The following PPP6R3 variants were observed in gnomAD, a reference collection of about 807,000 sequenced individuals.
PPP6R3 encodes serine/threonine-protein phosphatase 6 regulatory subunit 3.
PPP6R3 carries 38 observed loss-of-function variants against 110.7 expected under a neutral mutation model. The observed-to-expected ratio is 0.34, with a 90% CI of 0.26 to 0.45. The LOEUF (loss-of-function observed/expected upper bound fraction) is 0.45, where lower values mean the gene tolerates loss of function less well. Ranked by LOEUF, PPP6R3 falls within the 20% of genes least tolerant of loss-of-function variation. The pLI is 1.00. For synonymous variants in PPP6R3, 369 were observed against 373.5 expected, an observed-to-expected ratio of 0.99 and a Z score of 0.14; for missense variants, 870 against 1,062.4, an observed-to-expected ratio of 0.82 and a Z score of 2.52.
intron 1 of PPP6R3, among the ~76,000 whole-genome samples, chr11:68,518,549 T>A (rs1229678160): frequency 6.6e-6 from 1 of 152,228 alleles, no homozygotes; most frequent in Non-Finnish European, 1.5e-5. Context: ...CACAGCCACA[T>A]GGTCTGTTCT....
At chr11:68,574,719 GT>G (rs926390213) in intron 13 of PPP6R3, among the ~76,000 whole-genome samples, 1 of 152,170 alleles carries the variant, frequency 6.6e-6, no homozygotes, top group African/African-American at 2.4e-5. Flanking sequence ...GACTCTTTCT[GT>G]ATAGCATTTC....
chr11:68,542,400 T>TTTTTTTTTTTTTTC lies in PPP6R3; in HGVS notation c.228-2427_228-2426insTTCTTTTTTTTTTT, dbSNP rs1173863254. On this transcript the variant is annotated intron_variant, in intron 3 of 23. Coordinates refer to ENST00000393800, the MANE Select transcript of PPP6R3 (RefSeq NM_001164161.2). ...CTTGAGAAGCTGCTGTTTTTTTTTTTTTTTTTTTTTTAAGACAGAGTCTTG... is the reference window on the plus strand; with the variant it reads ...CTTGAGAAGCTGCTGTTTTTTTTTTTTTTTTTTTTTTTTCTTTTTTTTTTTAAGACAGAGTCTTG... 1.6e-3 allele frequency among the ~76,000 whole-genome samples: 100 copies of TTTTTTTTTTTTTTC among 63,340 alleles called. 6 individuals are homozygous for TTTTTTTTTTTTTTC. Among genetic ancestry groups the TTTTTTTTTTTTTTC allele is most frequent in the African/African-American group, 6.1e-3 (97 of 16,020 alleles). 41.6% of individuals were successfully genotyped at this position (63,340 alleles called of 152,430 possible). A position where few individuals can be genotyped will look rare whatever the true frequency, so the allele number is the denominator to read the frequency against.
At chr11:68,462,496 T>C (rs1455660434) in intron 1 of PPP6R3, among the ~76,000 whole-genome samples, 1 of 152,072 alleles carries the variant, frequency 6.6e-6, no homozygotes, top group Non-Finnish European at 1.5e-5. Context: ...TGGATACTAG[T>C]TTCTGGGTGA....
Position 68,567,070 on chromosome 11 carries a change from G to A in PPP6R3, c.1032G>A (p.Arg344=). The A allele has an allele frequency of 6.4e-7, 1 of 1,551,574 alleles. No individual in the cohort carries two copies. The highest frequency in any genetic ancestry group is 1.2e-5 in the South Asian group (1 of 84,004). Residue 344 remains arginine (R), a synonymous_variant, in exon 10 of 24, where the codon CGG becomes CGA. Coordinates refer to ENST00000393800, the MANE Select transcript of PPP6R3 (RefSeq NM_001164161.2). ...TGGATCCTCCTGTGGGGAATACCCGGTTGAATGTCATTAGGTTGATATCCA... is the reference window on the plus strand; with the variant it reads ...TGGATCCTCCTGTGGGGAATACCCGATTGAATGTCATTAGGTTGATATCCA... ...GVLDPPVGNT[R]LNVIRLISSL...
rs942571441 is a variant in PPP6R3 at position 68,613,732 on chromosome 11, A to G, written c.*615A>G. ...ATTGTTTAAAACGGATCAAAAATGT[A>G]AGTCTATTGGTAGAGATTAAGTAAA... On this transcript the variant is annotated 3_prime_UTR_variant, in exon 24 of 24. Transcript: ENST00000393800. 2 of 972,968 alleles carry G rather than the reference A, an allele frequency of 2.1e-6. No individual in the cohort carries two copies. Among genetic ancestry groups the G allele is most frequent in the African/African-American group, 3.9e-5 (2 of 51,752 alleles). 60.3% of individuals were successfully genotyped at this position (972,968 alleles called of 1,614,324 possible). A position where few individuals can be genotyped will look rare whatever the true frequency, so the allele number is the denominator to read the frequency against.
At chr11:68,538,003 A>G in intron 3 of PPP6R3, 112 bp downstream of exon 3, 1 of 792,886 alleles carries the variant, frequency 1.3e-6, no homozygotes, top group South Asian at 2.0e-5. Flanking sequence ...ACAGAAGGGT[A>G]AGATAGTCAA....
At chr11:68,478,873 G>T (rs1394973274) in intron 1 of PPP6R3, among the ~76,000 whole-genome samples, 1 of 151,734 alleles carries the variant, frequency 6.6e-6, no homozygotes, top group Non-Finnish European at 1.5e-5. Flanking sequence ...GGCCAGGATG[G>T]TCTCCATCTC....
chr11:68,468,273 G>A lies in PPP6R3; in HGVS notation c.-158+7446G>A, dbSNP rs3740632. Among the ~76,000 whole-genome samples the A allele has an allele frequency of 2.6e-4, 39 of 152,290 alleles. No individual in the cohort carries two copies. The East Asian group carries it at 6.6e-3, about 26-fold the overall frequency. ...GTTAACGTCTGGAATTTTATTTTTG[G>A]TAGTAGTATGTGTCAGTTTTTTGTC... On this transcript the variant is annotated intron_variant, in intron 1 of 23. Coordinates refer to ENST00000393800, the MANE Select transcript of PPP6R3 (RefSeq NM_001164161.2).
intron 19 of PPP6R3, among the ~76,000 whole-genome samples, chr11:68,599,962 A>C (rs2099626187): frequency 6.6e-6 from 1 of 152,194 alleles, no homozygotes; most frequent in African/African-American, 2.4e-5. Context: ...CTCTACTAAA[A>C]ATACAAAAAA....
intron 9 of PPP6R3, 160 bp from the exon 10 acceptor site, chr11:68,566,854 T>C: frequency 2.0e-6 from 1 of 492,904 alleles, no homozygotes; most frequent in Non-Finnish European, 3.4e-6. Context: ...GGTTATTTCA[T>C]TGTATCTTAA....
intron 1 of PPP6R3, among the ~76,000 whole-genome samples, chr11:68,506,418 A>C (rs1279349333): frequency 3.7e-5 from 3 of 80,164 alleles, no homozygotes; most frequent in Admixed American, 1.4e-4. Context: ...TATACTCAAA[A>C]AAAAAAAAAA....
In PPP6R3 at chr11:68,468,065, C is replaced by T. The variant is rs183881651; in HGVS notation, c.-158+7238C>T. Reference sequence around the variant, plus strand: ...TTGAAATTACAGGCATGAGCCACCACGCCCAGCGCATTTATTCTTACAGAA... The same window carrying T: ...TTGAAATTACAGGCATGAGCCACCATGCCCAGCGCATTTATTCTTACAGAA... On this transcript the variant is annotated intron_variant, in intron 1 of 23. Coordinates refer to ENST00000393800, the MANE Select transcript of PPP6R3 (RefSeq NM_001164161.2). Among the ~76,000 whole-genome samples, 17 of 152,298 alleles carry T rather than the reference C, an allele frequency of 1.1e-4. No homozygotes were observed. In the East Asian group the frequency reaches 2.1e-3, roughly 19 times the overall value.
At chr11:68,546,405 G>T (rs1048328098) in intron 4 of PPP6R3, among the ~76,000 whole-genome samples, 1 of 152,114 alleles carries the variant, frequency 6.6e-6, no homozygotes, top group African/African-American at 2.4e-5. Context: ...GGCGAGCCCC[G>T]ATTTTCAGTG....
chr11:68,496,108 G>A (rs961810666), intron 1 of PPP6R3, among the ~76,000 whole-genome samples: 4 of 151,784 alleles, frequency 2.6e-5, no homozygotes, highest in African/African-American at 4.8e-5. Flanking sequence ...TCCCACCTCC[G>A]CCCCCCAAGT....
rs1304875004 is a variant in PPP6R3, at chr11:68,613,536, C to T, written c.*419C>T. The T allele has an allele frequency of 2.0e-6, 2 of 986,808 alleles. No individual in the cohort carries two copies. Among genetic ancestry groups the T allele is most frequent in the Non-Finnish European group, 2.4e-6 (2 of 830,722 alleles). 61.1% of individuals were successfully genotyped at this position (986,808 alleles called of 1,614,324 possible). A position where few individuals can be genotyped will look rare whatever the true frequency, so the allele number is the denominator to read the frequency against. On this transcript the variant is annotated 3_prime_UTR_variant, in exon 24 of 24. Coordinates refer to ENST00000393800, the MANE Select transcript of PPP6R3 (RefSeq NM_001164161.2). ...TATTAGGCGGTTTTCATACATTTTTCACCTTGTACAAAATTATGAATTCAT... is the reference window on the plus strand; with the variant it reads ...TATTAGGCGGTTTTCATACATTTTTTACCTTGTACAAAATTATGAATTCAT...
In PPP6R3 at chr11:68,461,319, C is replaced by T. The variant is rs558130788; in HGVS notation, c.-158+492C>T. 1.9e-4 allele frequency among the ~76,000 whole-genome samples: 29 copies of T among 152,276 alleles called. No homozygotes were observed. In the East Asian group the frequency reaches 3.9e-3, roughly 20 times the overall value. On this transcript the variant is annotated intron_variant, in intron 1 of 23. Transcript: ENST00000393800. ...GAGTCGCGAAGACCATTGTTGGACT[C>T]TGCTCTTCGGGAAACAAGTTTTGTG...
At chr11:68,519,705 G>C (rs899822231) in intron 2 of PPP6R3, 54 bp downstream of exon 2, 24 of 397,890 alleles carry the variant, frequency 6.0e-5, no homozygotes, top group Non-Finnish European at 9.7e-5. Context: ...ATCAAGGAAA[G>C]CTGTGGTTCT....
intron 7 of PPP6R3, among the ~76,000 whole-genome samples, chr11:68,555,515 C>A (rs528824806): frequency 3.3e-5 from 5 of 152,318 alleles, no homozygotes; most frequent in African/African-American, 1.2e-4. Flanking sequence ...TTGATAGCCA[C>A]ATGTAGTGAA....
At chr11:68,473,051 T>C (rs1591587907) in intron 1 of PPP6R3, among the ~76,000 whole-genome samples, 1 of 152,236 alleles carries the variant, frequency 6.6e-6, no homozygotes, top group Non-Finnish European at 1.5e-5. Context: ...TGGCATAGTT[T>C]CCGGGCATAC....
Sources: gnomAD v4.1 joint callset for allele counts (sites outside exome capture counted in the v4.1 genomes callset) on GRCh38, gnomAD v4.1.1 for gene constraint, MANE v1.5 for transcripts, NCBI Gene and HGNC (gene_info 2026-07-23, HGNC 2026-07-21) for gene names.